RAB38: variants seen among roughly 807,000 people sequenced by gnomAD.
RAB38 encodes the protein RAB38, member RAS oncogene family, also known as ras-related protein Rab-38.
RAB38 carries 15 observed loss-of-function variants against 18.4 expected under a neutral mutation model. The ratio of observed to expected loss-of-function variants is 0.82; its 90% confidence interval spans 0.55 to 1.26. RAB38 has a LOEUF of 1.26. Among genes scored for constraint, RAB38 ranks in the 50% most tolerant of loss-of-function variants. The pLI is 0.00. For synonymous variants in RAB38, 101 were observed against 104.4 expected, an observed-to-expected ratio of 0.97 and a Z score of 0.20; for missense variants, 294 against 267.4, an observed-to-expected ratio of 1.10 and a Z score of -0.69.
intron 2 of RAB38, among the ~76,000 whole-genome samples, chr11:88,147,038 A>G (rs1220988920): frequency 6.6e-6 from 1 of 152,246 alleles, no homozygotes; most frequent in Non-Finnish European, 1.5e-5. Flanking sequence ...AAGGAACGTC[A>G]GAGTGAGGTG....
intron 2 of RAB38, among the ~76,000 whole-genome samples, chr11:88,137,687 T>C (rs1325775529): frequency 6.6e-5 from 10 of 152,142 alleles, no homozygotes; most frequent in African/African-American, 1.4e-4. Flanking sequence ...AGTTTGTAAG[T>C]TGAAAGAGCT....
At chr11:88,078,501 A>ATATGTGTGTGTG in the RAB38 span, among the ~76,000 whole-genome samples, 5,037 of 148,556 alleles carry the variant, frequency 0.034, 165 homozygotes, top group South Asian at 0.083. Flanking sequence ...GTGTGTATAT[A>ATATGTGTGTGTG]TGTGTGTGTG....
At chr11:88,097,632 C>T in the RAB38 span, among the ~76,000 whole-genome samples, 6 of 151,828 alleles carry the variant, frequency 4.0e-5, no homozygotes, top group Admixed American at 3.3e-4. Context: ...CAAACTCATT[C>T]GCTACTACAG....
chr11:88,096,010 T>C, the RAB38 span, among the ~76,000 whole-genome samples: 1 of 151,922 alleles, frequency 6.6e-6, no homozygotes, highest in African/African-American at 2.4e-5. Context: ...CTGGCATTTC[T>C]GCTTCTACCT....
At chr11:87,976,401 T>A in the RAB38 span, among the ~76,000 whole-genome samples, 1 of 126,834 alleles carries the variant, frequency 7.9e-6, no homozygotes, top group Non-Finnish European at 1.6e-5. Flanking sequence ...ATACACATAT[T>A]TATATATTTA....
rs527546669 is a variant in RAB38 at position 88,149,831 on chromosome 11, G to A, written c.327C>T (p.Asp109=). 1.9e-6 allele frequency: 3 copies of A among 1,614,014 alleles called. No homozygotes were observed. Among genetic ancestry groups the A allele is most frequent in the South Asian group, 1.1e-5 (1 of 91,062 alleles). The change falls in exon 2 of 3, where the codon GAC becomes GAT. Residue 109 remains aspartate, a synonymous_variant. Transcript: ENST00000243662. ...EAVAKWKNDL[D]SKLSLPNGKP... is the part of the protein sequence containing the mutation. ...TGCCATTAGGGAGACTTAACTTGGA[G>A]TCCAAATCATTTTTCCACTTTGCCA...
chr11:88,022,965 G>A, the RAB38 span, among the ~76,000 whole-genome samples: 1 of 152,062 alleles, frequency 6.6e-6, no homozygotes, highest in African/African-American at 2.4e-5. Context: ...ACACAGGGAC[G>A]CACAGAGGGG....
the RAB38 span, among the ~76,000 whole-genome samples, chr11:87,952,560 C>CT: frequency 2.0e-5 from 3 of 152,182 alleles, no homozygotes; most frequent in African/African-American, 7.2e-5. Flanking sequence ...GGAGCTAAAG[C>CT]TGTTGGTCCA....
chr11:88,004,649 A>T, the RAB38 span, among the ~76,000 whole-genome samples: 1 of 151,306 alleles, frequency 6.6e-6, no homozygotes, highest in Non-Finnish European at 1.5e-5. Context: ...AAAGAAGAAG[A>T]AAAATATGTA....
At chr11:88,024,902 T>C in the RAB38 span, among the ~76,000 whole-genome samples, 2 of 127,840 alleles carry the variant, frequency 1.6e-5, no homozygotes, top group African/African-American at 5.2e-5. Context: ...AGATGATTAA[T>C]GGGCACAAAA....
chr11:88,171,550 G>A (rs1943311904), intron 1 of RAB38, among the ~76,000 whole-genome samples: 1 of 152,332 alleles, frequency 6.6e-6, no homozygotes, highest in South Asian at 2.1e-4. Context: ...ATTAAGGACA[G>A]TAGAGCAAAT....
chr11:88,134,054 C>A (rs367549077), intron 2 of RAB38, among the ~76,000 whole-genome samples: 32 of 152,162 alleles, frequency 2.1e-4, no homozygotes, highest in African/African-American at 7.0e-4. Flanking sequence ...ACATAACAAC[C>A]AAACATATCT....
At chr11:88,092,375 A>AGGGAGGGG in the RAB38 span, among the ~76,000 whole-genome samples, 1 of 10,402 alleles carries the variant, frequency 9.6e-5, no homozygotes, top group African/African-American at 3.4e-4. Context: ...AGAGAGAGAG[A>AGGGAGGGG]GAGAGAGAGA....
the RAB38 span, among the ~76,000 whole-genome samples, chr11:87,918,303 ATTT>A: frequency 6.6e-6 from 1 of 152,088 alleles, no homozygotes; most frequent in South Asian, 2.1e-4. Context: ...GAACACTTAG[ATTT>A]ATTTCATATC....
the RAB38 span, among the ~76,000 whole-genome samples, chr11:87,949,502 T>C: frequency 0.094 from 14,249 of 152,284 alleles, 837 homozygotes; most frequent in East Asian, 0.16. Flanking sequence ...TTTTAGATCT[T>C]TCCTGCTTTC....
the RAB38 span, among the ~76,000 whole-genome samples, chr11:87,902,691 C>T: frequency 6.6e-6 from 1 of 151,338 alleles, no homozygotes; most frequent in African/African-American, 2.4e-5. Context: ...TTTAAATTCT[C>T]TCAGCAATAT....
At position 88,141,225 on chromosome 11, in the gene RAB38, T is replaced by C. The variant is rs35537320; in HGVS notation, c.483+8450A>G. On this transcript the variant is annotated intron_variant, in intron 2 of 2. Transcript: ENST00000243662. ...GACATATTTTTTGATCACTGTTTAA[T>C]TGTGGTCTCAGTGGGGAGTGATTTT... Among the ~76,000 whole-genome samples the C allele has an allele frequency of 5.0e-3, 764 of 152,244 alleles. 3 individuals carry two copies. Among genetic ancestry groups the C allele is most frequent in the African/African-American group, 0.018 (727 of 41,530 alleles).
At chr11:88,097,389 G>A in the RAB38 span, among the ~76,000 whole-genome samples, 1 of 151,894 alleles carries the variant, frequency 6.6e-6, no homozygotes, top group African/African-American at 2.4e-5. Flanking sequence ...AGAAATTCCT[G>A]AGTCTGCGTT....
the RAB38 span, among the ~76,000 whole-genome samples, chr11:87,876,190 G>T: frequency 1.3e-5 from 2 of 151,576 alleles, no homozygotes; most frequent in African/African-American, 2.4e-5. Context: ...GCTGCAGGTA[G>T]CAGAATTGAG....
Sources: gnomAD v4.1 joint callset for allele counts (sites outside exome capture counted in the v4.1 genomes callset) on GRCh38, gnomAD v4.1.1 for gene constraint, MANE v1.5 for transcripts, NCBI Gene and HGNC (gene_info 2026-07-23, HGNC 2026-07-21) for gene names.